CHM: variants seen among roughly 807,000 people sequenced by gnomAD.
CHM encodes the protein CHM Rab escort protein.
A neutral mutation model predicts 49.0 loss-of-function variants in CHM; 10 were observed. That is an observed-to-expected ratio of 0.20 (90% CI 0.13 to 0.35). CHM has a LOEUF of 0.35. CHM is among the 10% of genes least tolerant of loss of function. The pLI is 1.00. For missense variants in CHM, 455 were observed against 478.4 expected (o/e 0.95, Z 0.46); for synonymous variants, 184 against 167.5 (o/e 1.10, Z -0.76).
chrX:85,944,789 C>A (rs1929310832), intron 8 of CHM, among the ~76,000 whole-genome samples: 1 of 111,737 alleles, frequency 8.9e-6, no homozygotes, highest in South Asian at 3.7e-4. Context: ...GTTACATACA[C>A]AAAGGAATAC....
At chrX:85,934,466 T>A (rs1164113800) in intron 8 of CHM, among the ~76,000 whole-genome samples, 1 of 79,351 alleles carries the variant, frequency 1.3e-5, no homozygotes, top group African/African-American at 4.9e-5. Flanking sequence ...ATGTTCCCCA[T>A]CCTGTGTCCA....
chrX:85,891,327 G>T (rs1925437965), intron 12 of CHM, among the ~76,000 whole-genome samples: 1 of 111,954 alleles, frequency 8.9e-6, no homozygotes, highest in Non-Finnish European at 1.9e-5. Context: ...ATGTCTCCAG[G>T]CCACGTCAGA....
At chrX:85,895,407 G>C (rs1451536242) in intron 11 of CHM, among the ~76,000 whole-genome samples, 1 of 110,381 alleles carries the variant, frequency 9.1e-6, no homozygotes, top group Non-Finnish European at 1.9e-5. Flanking sequence ...GCTTCCCAAA[G>C]TATTGAGATT....
chrX:85,923,690 G>A lies in CHM; in HGVS notation c.1167-12352C>T, dbSNP rs140519281. ...GTCATATAACTTACCTAGTACAAGAGAGAGACAACAAACAAGAAATAAGAG... is the reference window on the plus strand; with the variant it reads ...GTCATATAACTTACCTAGTACAAGAAAGAGACAACAAACAAGAAATAAGAG... On this transcript the variant is annotated intron_variant, in intron 8 of 14. Transcript: ENST00000357749. 5.8e-3 allele frequency among the ~76,000 whole-genome samples: 653 copies of A among 111,683 alleles called. 1 individual carries two copies. Among genetic ancestry groups the A allele is most frequent in the African/African-American group, 0.019 (584 of 30,759 alleles).
chrX:85,931,022 A>G (rs1460376390), intron 8 of CHM, among the ~76,000 whole-genome samples: 1 of 111,749 alleles, frequency 8.9e-6, no homozygotes, highest in Non-Finnish European at 1.9e-5. Flanking sequence ...TTCTAGTAGT[A>G]TTGACACTGC....
chrX:85,933,974 A>G (rs981247463), intron 8 of CHM, among the ~76,000 whole-genome samples: 2 of 110,494 alleles, frequency 1.8e-5, no homozygotes, highest in African/African-American at 6.6e-5. Flanking sequence ...AATGGTTGAA[A>G]TTAGCTTTTT....
At chrX:85,921,287 A>C (rs758456173) in intron 8 of CHM, among the ~76,000 whole-genome samples, 20 of 111,549 alleles carry the variant, frequency 1.8e-4, no homozygotes, top group Non-Finnish European at 3.6e-4. Context: ...TTAGTGAAGG[A>C]CAATTAAGCA....
intron 13 of CHM, 62 bp from the exon 14 acceptor site, chrX:85,873,274 C>T (rs1181790860): frequency 1.2e-6 from 1 of 828,400 alleles, no homozygotes; most frequent in Non-Finnish European, 1.7e-6. Context: ...AATTACTACA[C>T]TGTGTAGCCT....
chrX:85,952,648 T>C (rs1346946602), intron 8 of CHM, among the ~76,000 whole-genome samples: 2 of 112,276 alleles, frequency 1.8e-5, no homozygotes, highest in Non-Finnish European at 3.8e-5. Context: ...CCAGCTGTGG[T>C]ATCTATGGCA....
rs2148111796 is a variant in CHM, at chrX:85,864,647, C to T, written c.1945G>A (p.Glu649Lys). 1.7e-6 allele frequency: 2 copies of T among 1,209,632 alleles called. No individual in the cohort carries two copies. Among genetic ancestry groups the T allele is most frequent in the Admixed American group, 2.2e-5 (1 of 45,921 alleles). Residue 649 changes from glutamate (E) to lysine (K), a missense_variant, in exon 15 of 15, where the codon GAG becomes AAG. By Grantham distance (56) the Glu-to-Lys change is moderately conservative. Transcript: ENST00000357749. ...TATATCCATTATTCAGAGGACTCCT[C>T]TAGGTTTCCAAGGTTTGTGCTTTCC... The part of the protein sequence containing the change: ...FKESTNLGNL[E>K]ESSE
At position 86,027,567 on chromosome X, in the gene CHM, C is replaced by A; in HGVS notation, c.50-10G>T. Reference sequence around the variant, plus strand: ...ATGGATTCAGGCAAACCTACAAAAACACACACCCGTATCATTTAGAATGTA... The same window carrying A: ...ATGGATTCAGGCAAACCTACAAAAAAACACACCCGTATCATTTAGAATGTA... On this transcript the variant is annotated splice_polypyrimidine_tract_variant and intron_variant, in intron 1 of 14. Coordinates refer to ENST00000357749, the MANE Select transcript of CHM (RefSeq NM_000390.4). The A allele has an allele frequency of 1.7e-6, 2 of 1,190,097 alleles. No individual in the cohort carries two copies. Among genetic ancestry groups the A allele is most frequent in the Non-Finnish European group, 2.3e-6 (2 of 875,887 alleles).
chrX:86,035,776 GAA>G (rs944143958), intron 1 of CHM, among the ~76,000 whole-genome samples: 19 of 105,599 alleles, frequency 1.8e-4, no homozygotes, highest in Admixed American at 1.2e-3. Context: ...TACTGTCGAC[GAA>G]AAGAGTTCAT....
intron 8 of CHM, among the ~76,000 whole-genome samples, chrX:85,917,462 A>C (rs1927524666): frequency 8.9e-6 from 1 of 111,883 alleles, no homozygotes; most frequent in Admixed American, 9.5e-5. Flanking sequence ...TTTTTTAAAA[A>C]AGAAAAAAAC....
Position 85,863,574 on chromosome X carries a change from A to G in CHM, c.*1056T>C, listed in dbSNP as rs1923501474. The G allele has an allele frequency of 8.9e-6, 1 of 112,455 alleles. No homozygotes were observed. Among genetic ancestry groups the G allele is most frequent in the African/African-American group, 3.2e-5 (1 of 30,938 alleles). 9.3% of individuals were successfully genotyped at this position (112,455 alleles called of 1,213,427 possible). On this transcript the variant is annotated 3_prime_UTR_variant, in exon 15 of 15. Transcript: ENST00000357749. ...AAGACTATAAAATACTACTTTAAAA[A>G]AGAAATTTTCATTTAAAAAGCTTAA...
At chrX:85,887,551 C>A (rs1925163918) in intron 12 of CHM, among the ~76,000 whole-genome samples, 1 of 111,697 alleles carries the variant, frequency 9.0e-6, no homozygotes, top group Non-Finnish European at 1.9e-5. Context: ...GAAAATATAC[C>A]TGAAAACGTG....
At chrX:85,966,770 T>C (rs748298714) in intron 4 of CHM, among the ~76,000 whole-genome samples, 15 of 111,769 alleles carry the variant, frequency 1.3e-4, no homozygotes, top group African/African-American at 4.9e-4. Flanking sequence ...AGACAAAATA[T>C]GGCAACTTCT....
At position 85,864,790 on chromosome X, in the gene CHM, T is replaced by C. The variant is rs145877269; in HGVS notation, c.1802A>G (p.Asn601Ser). ...TGGTGGAGGGGGACAGAAATCTTCA[T>C]TGGGGCAGATTTCCTGGAAAAGTGT... ...AETLFQEICP[N>S]EDFCPPPPNP... Residue 601 changes from asparagine (N) to serine (S), a missense_variant, in exon 15 of 15, where the codon AAT (asparagine) becomes AGT (serine). Asn to Ser is a conservative substitution (Grantham distance 46). Coordinates refer to ENST00000357749, the MANE Select transcript of CHM (RefSeq NM_000390.4). The C allele has an allele frequency of 1.9e-3, 2,269 of 1,206,967 alleles. 27 individuals carry two copies. The African/African-American group carries it at 0.033, about 17-fold the overall frequency.
intron 8 of CHM, among the ~76,000 whole-genome samples, chrX:85,946,326 C>T (rs1006585343): frequency 1.8e-5 from 2 of 112,454 alleles, no homozygotes; most frequent in African/African-American, 3.2e-5. Context: ...GCTTAGAAGG[C>T]ATTTCAGAGA....
At chrX:85,937,294 T>C (rs1318559127) in intron 8 of CHM, among the ~76,000 whole-genome samples, 1 of 106,805 alleles carries the variant, frequency 9.4e-6, no homozygotes, top group African/African-American at 3.4e-5. Context: ...GTCTGTGTAA[T>C]AATACTATCT....
Sources: gnomAD v4.1 joint callset for allele counts (sites outside exome capture counted in the v4.1 genomes callset) on GRCh38, gnomAD v4.1.1 for gene constraint, MANE v1.5 for transcripts, NCBI Gene and HGNC (gene_info 2026-07-23, HGNC 2026-07-21) for gene names.